SAMD12: variants seen among roughly 807,000 people sequenced by gnomAD.
SAMD12 encodes sterile alpha motif domain-containing protein 12.
In SAMD12, 9 loss-of-function variants were observed where a neutral mutation model predicts 15.0. The observed-to-expected ratio is 0.60, with a 90% CI of 0.36 to 1.05. The LOEUF is 1.05. Among genes scored for constraint, SAMD12 ranks in the 50% least tolerant of loss-of-function variants. The pLI is 0.01. For synonymous variants in SAMD12, 86 were observed against 90.1 expected (o/e 0.96, Z 0.25); for missense variants, 230 against 234.2 (o/e 0.98, Z 0.12).
intron 3 of SAMD12, among the ~76,000 whole-genome samples, chr8:118,386,575 A>C (rs1819974325): frequency 6.6e-6 from 1 of 152,212 alleles, no homozygotes; most frequent in Non-Finnish European, 1.5e-5. Flanking sequence ...TGAAAGGAAC[A>C]TTTGAGTTTC....
intron 1 of SAMD12, among the ~76,000 whole-genome samples, chr8:118,600,141 T>C (rs1035580662): frequency 6.6e-6 from 1 of 152,156 alleles, no homozygotes; most frequent in African/African-American, 2.4e-5. Context: ...TCTAACCTTG[T>C]GTGTTAGGTA....
At chr8:118,420,918 T>C (rs1351203787) in intron 3 of SAMD12, among the ~76,000 whole-genome samples, 1 of 152,296 alleles carries the variant, frequency 6.6e-6, no homozygotes, top group African/African-American at 2.4e-5. Context: ...TAAATAAAGT[T>C]TCATTGGAAT....
chr8:118,475,746 A>G (rs1823942077), intron 2 of SAMD12, among the ~76,000 whole-genome samples: 1 of 152,232 alleles, frequency 6.6e-6, no homozygotes. Context: ...AAGTATGGCT[A>G]GATTTGGTTA....
chr8:118,261,149 G>A (rs1021228565), intron 4 of SAMD12, among the ~76,000 whole-genome samples: 3 of 152,040 alleles, frequency 2.0e-5, no homozygotes, highest in East Asian at 1.9e-4. Context: ...CAAAGGCTCC[G>A]ATTTCCTCAG....
At chr8:118,532,298 T>C (rs1156895782) in intron 2 of SAMD12, among the ~76,000 whole-genome samples, 2 of 152,234 alleles carry the variant, frequency 1.3e-5, no homozygotes, top group African/African-American at 4.8e-5. Context: ...CACTTGATCA[T>C]GGTGGATAAG....
chr8:118,348,442 C>T (rs1218637825), intron 4 of SAMD12, among the ~76,000 whole-genome samples: 1 of 151,774 alleles, frequency 6.6e-6, no homozygotes, highest in African/African-American at 2.4e-5. Flanking sequence ...GTGACGTCCG[C>T]TCACCGCAAG....
At chr8:118,401,619 C>G (rs1047747423) in intron 3 of SAMD12, among the ~76,000 whole-genome samples, 1 of 151,378 alleles carries the variant, frequency 6.6e-6, no homozygotes, top group Non-Finnish European at 1.5e-5. Context: ...ATGCGATCCT[C>G]TCACCTCTGC....
intron 4 of SAMD12, among the ~76,000 whole-genome samples, chr8:118,243,678 A>C (rs1451123080): frequency 1.3e-5 from 2 of 152,136 alleles, no homozygotes; most frequent in African/African-American, 4.8e-5. Flanking sequence ...AATTACTTAA[A>C]AATCCTGGAG....
intron 3 of SAMD12, among the ~76,000 whole-genome samples, chr8:118,436,594 AG>A (rs1253999385): frequency 6.6e-6 from 1 of 152,216 alleles, no homozygotes; most frequent in African/African-American, 2.4e-5. Flanking sequence ...CCTTGCTTTA[AG>A]AAAAATAAAA....
At chr8:118,263,626 C>T (rs922267256) in intron 4 of SAMD12, among the ~76,000 whole-genome samples, 1 of 152,072 alleles carries the variant, frequency 6.6e-6, no homozygotes, top group Non-Finnish European at 1.5e-5. Context: ...TTGCTGCTAG[C>T]TTCTAGAATG....
chr8:118,433,412 C>T (rs200881997), intron 3 of SAMD12, among the ~76,000 whole-genome samples: 10 of 148,184 alleles, frequency 6.7e-5, no homozygotes, highest in Non-Finnish European at 7.5e-5. Flanking sequence ...TTGAAAGGGT[C>T]TTTTTTTTTT....
intron 2 of SAMD12, among the ~76,000 whole-genome samples, chr8:118,550,375 A>T (rs1826287065): frequency 6.6e-6 from 1 of 152,244 alleles, no homozygotes; most frequent in Non-Finnish European, 1.5e-5. Context: ...GCCAATATTC[A>T]ACATTCTTAA....
intron 3 of SAMD12, among the ~76,000 whole-genome samples, chr8:118,419,200 G>A (rs1821874940): frequency 2.6e-5 from 4 of 151,474 alleles, no homozygotes; most frequent in Non-Finnish European, 2.9e-5. Flanking sequence ...TGAACTGGAA[G>A]CAGAAAAAAA....
intron 4 of SAMD12, among the ~76,000 whole-genome samples, chr8:118,244,271 G>A (rs1812638107): frequency 6.6e-6 from 1 of 152,126 alleles, no homozygotes; most frequent in African/African-American, 2.4e-5. Context: ...TTAAAGCACA[G>A]ACAGTTTAAA....
intron 4 of SAMD12, among the ~76,000 whole-genome samples, chr8:118,221,574 G>A (rs1812082832): frequency 6.6e-6 from 1 of 152,176 alleles, no homozygotes; most frequent in Non-Finnish European, 1.5e-5. Flanking sequence ...ATTGAGTGAG[G>A]GGTGGGAGAG....
intron 4 of SAMD12, among the ~76,000 whole-genome samples, chr8:118,322,301 A>G (rs887692140): frequency 6.6e-6 from 1 of 152,216 alleles, no homozygotes; most frequent in African/African-American, 2.4e-5. Flanking sequence ...CTCCATAGTG[A>G]TGGGGGCTGT....
intron 2 of SAMD12, among the ~76,000 whole-genome samples, chr8:118,493,665 T>C (rs1429046128): frequency 1.3e-5 from 2 of 152,176 alleles, no homozygotes; most frequent in Non-Finnish European, 2.9e-5. Context: ...GTTCATCTCT[T>C]ACATAACAAA....
downstream of SAMD12, among the ~76,000 whole-genome samples, chr8:118,187,166 A>C (rs908095818): frequency 6.6e-6 from 1 of 152,228 alleles, no homozygotes; most frequent in Non-Finnish European, 1.5e-5. Flanking sequence ...CTTGTGAAAC[A>C]ACTATATACA....
At chr8:118,439,770 A>G in intron 3 of SAMD12, 62 bp downstream of exon 3, 2 of 1,533,592 alleles carry the variant, frequency 1.3e-6, no homozygotes, top group Non-Finnish European at 9.0e-7. Flanking sequence ...AGGGTATGGG[A>G]AAGGCTATCG....
Sources: gnomAD v4.1 joint callset for allele counts (sites outside exome capture counted in the v4.1 genomes callset) on GRCh38, gnomAD v4.1.1 for gene constraint, MANE v1.5 for transcripts, NCBI Gene and HGNC (gene_info 2026-07-23, HGNC 2026-07-21) for gene names.